AAMDC: variants seen among roughly 807,000 people sequenced by gnomAD.
The protein encoded by AAMDC is adipogenesis associated Mth938 domain containing, also known as mth938 domain-containing protein.
In AAMDC, 16 loss-of-function variants were observed where a neutral mutation model predicts 15.5. The observed-to-expected ratio is 1.03, with a 90% confidence interval of 0.70 to 1.57. The LOEUF (loss-of-function observed/expected upper bound fraction) is 1.57. AAMDC is among the 40% of genes most tolerant of loss of function. The pLI is 0.00. For synonymous variants in AAMDC, 51 were observed against 51.6 expected (o/e 0.99, Z 0.05); for missense variants, 141 against 144.9 (o/e 0.97, Z 0.14).
chr11:77,871,150 A>G (rs901106970), intron 3 of AAMDC, among the ~76,000 whole-genome samples: 1 of 152,232 alleles, frequency 6.6e-6, no homozygotes, highest in African/African-American at 2.4e-5. Flanking sequence ...CCCCATTACA[A>G]TAATTCCTAT....
At chr11:77,892,319 T>C (rs1246247541) in intron 5 of AAMDC, among the ~76,000 whole-genome samples, 1 of 152,166 alleles carries the variant, frequency 6.6e-6, no homozygotes, top group South Asian at 2.1e-4. Flanking sequence ...TCAGAAAAGT[T>C]AAGTACGTTA....
At chr11:77,837,804 G>T (rs1469519653) in intron 1 of AAMDC, among the ~76,000 whole-genome samples, 1 of 152,112 alleles carries the variant, frequency 6.6e-6, no homozygotes, top group Non-Finnish European at 1.5e-5. Flanking sequence ...TGCCTATAAT[G>T]CAAGCACTTG....
At chr11:77,862,216 T>G (rs1410313250) in intron 2 of AAMDC, among the ~76,000 whole-genome samples, 1 of 152,202 alleles carries the variant, frequency 6.6e-6, no homozygotes, top group Non-Finnish European at 1.5e-5. Context: ...TTCTCATTCC[T>G]CTGTTGTCAT....
chr11:77,847,648 T>G (rs767961628), intron 2 of AAMDC, among the ~76,000 whole-genome samples: 4 of 152,242 alleles, frequency 2.6e-5, no homozygotes, highest in Middle Eastern at 3.4e-3. Flanking sequence ...CAGAGTGAAG[T>G]TGGAAAATGG....
At chr11:77,892,267 C>T (rs1952307114) in intron 5 of AAMDC, among the ~76,000 whole-genome samples, 2 of 152,160 alleles carry the variant, frequency 1.3e-5, no homozygotes, top group Non-Finnish European at 2.9e-5. Flanking sequence ...ATTCAAGTGG[C>T]AGAAACACTG....
intron 1 of AAMDC, among the ~76,000 whole-genome samples, chr11:77,821,803 T>C (rs569542391): frequency 1.3e-5 from 2 of 152,274 alleles, no homozygotes; most frequent in South Asian, 4.1e-4. Flanking sequence ...ATGTGCAGCC[T>C]GAGAAGCAGC....
At chr11:77,845,072 A>G (rs776824162) in intron 2 of AAMDC, among the ~76,000 whole-genome samples, 5 of 152,130 alleles carry the variant, frequency 3.3e-5, no homozygotes, top group Non-Finnish European at 5.9e-5. Flanking sequence ...ATGTCTAGGT[A>G]TGGATATCTT....
At chr11:77,878,573 G>C in intron 5 of AAMDC, 1 of 520,780 alleles carries the variant, frequency 1.9e-6, no homozygotes, top group Non-Finnish European at 3.4e-6. Flanking sequence ...GTCACTTTAA[G>C]AAATAAGACT....
At chr11:77,888,154 T>C (rs568081162) in intron 5 of AAMDC, among the ~76,000 whole-genome samples, 252 of 152,226 alleles carry the variant, frequency 1.7e-3, no homozygotes, top group African/African-American at 5.6e-3. Flanking sequence ...GGAGGCATCA[T>C]GCTACCTGAC....
chr11:77,841,681 G>A (rs886743374), intron 1 of AAMDC, among the ~76,000 whole-genome samples: 1 of 152,136 alleles, frequency 6.6e-6, no homozygotes, highest in Non-Finnish European at 1.5e-5. Flanking sequence ...AATCTTTGAT[G>A]CATATCCTTG....
At chr11:77,839,347 A>G (rs780219638) in intron 1 of AAMDC, among the ~76,000 whole-genome samples, 1 of 152,132 alleles carries the variant, frequency 6.6e-6, no homozygotes, top group Non-Finnish European at 1.5e-5. Flanking sequence ...GTCTCCCAAT[A>G]GGAATGCTTT....
chr11:77,877,627 C>T (rs998893987), intron 5 of AAMDC, among the ~76,000 whole-genome samples: 1 of 152,196 alleles, frequency 6.6e-6, no homozygotes, highest in Non-Finnish European at 1.5e-5. Flanking sequence ...GGCTTTATTA[C>T]TTACTGTACA....
chr11:77,827,614 A>G (rs1245722355), intron 1 of AAMDC, among the ~76,000 whole-genome samples: 1 of 152,250 alleles, frequency 6.6e-6, no homozygotes, highest in Non-Finnish European at 1.5e-5. Flanking sequence ...TAGGAAGAGA[A>G]GGGAACTTTT....
At chr11:77,874,922 A>G (rs998871181), downstream of AAMDC, among the ~76,000 whole-genome samples, 2 of 152,122 alleles carry the variant, frequency 1.3e-5, no homozygotes, top group African/African-American at 4.8e-5. Context: ...CTGTAATCCC[A>G]GCTAGTCTAC....
chr11:77,892,929 G>C (rs920047742), intron 5 of AAMDC, among the ~76,000 whole-genome samples: 4 of 152,198 alleles, frequency 2.6e-5, no homozygotes, highest in Non-Finnish European at 5.9e-5. Context: ...AAGTTTGCTA[G>C]AGAGTATTAC....
At chr11:77,831,519 G>C (rs1949423878) in intron 1 of AAMDC, among the ~76,000 whole-genome samples, 1 of 152,018 alleles carries the variant, frequency 6.6e-6, no homozygotes, top group Admixed American at 6.6e-5. Context: ...TTGGAGCCTA[G>C]GTATCTGCAA....
At chr11:77,886,626 C>A (rs1246028898) in intron 5 of AAMDC, among the ~76,000 whole-genome samples, 2 of 152,144 alleles carry the variant, frequency 1.3e-5, no homozygotes, top group Non-Finnish European at 1.5e-5. Context: ...TACCTACTAT[C>A]CAGCGAAACC....
chr11:77,825,082 G>A (rs1213574660), intron 1 of AAMDC, among the ~76,000 whole-genome samples: 3 of 152,088 alleles, frequency 2.0e-5, no homozygotes, highest in African/African-American at 7.2e-5. Flanking sequence ...CTGGTTTCAC[G>A]CCATTCTATT....
intron 1 of AAMDC, among the ~76,000 whole-genome samples, chr11:77,824,154 C>G (rs1016652203): frequency 1.3e-5 from 2 of 152,190 alleles, no homozygotes; most frequent in Admixed American, 6.5e-5. Flanking sequence ...ATAAATGACA[C>G]ACACCCATAA....
Sources: gnomAD v4.1 joint callset for allele counts (sites outside exome capture counted in the v4.1 genomes callset) on GRCh38, gnomAD v4.1.1 for gene constraint, MANE v1.5 for transcripts, NCBI Gene and HGNC (gene_info 2026-07-23, HGNC 2026-07-21) for gene names.